Variants in FARP2 observed in about 807,000 individuals in gnomAD.
FARP2 encodes the protein FERM, ARHGEF and pleckstrin domain-containing protein 2.
In FARP2, 111 loss-of-function variants were observed where a neutral mutation model predicts 130.5. The observed-to-expected ratio is 0.85, with a 90% CI of 0.73 to 1.00. FARP2 has a LOEUF of 1.00. FARP2 is among the 50% of genes least tolerant of loss of function. FARP2 has a pLI of 0.00. For synonymous variants in FARP2, 504 were observed against 516.9 expected (o/e 0.98, Z 0.34); for missense variants, 1,385 against 1,346.3 (o/e 1.03, Z -0.45).
rs1201365228 is a variant in FARP2, at chr2:241,475,110, C to T, written c.2132-747C>T. 1.3e-5 allele frequency among the ~76,000 whole-genome samples: 2 copies of T among 152,204 alleles called. No homozygotes were observed. Among genetic ancestry groups the T allele is most frequent in the African/African-American group, 4.8e-5 (2 of 41,452 alleles). On this transcript the variant is annotated intron_variant, in intron 18 of 26. Coordinates refer to ENST00000264042, the MANE Select transcript of FARP2 (RefSeq NM_014808.4). The surrounding 1 kb of genome is among the most constrained non-coding windows in gnomAD (Gnocchi z 4.4). ...GAAAGTTACAATTGCTTTGAAGGTG[C>T]AAATCATTTAGCCTTTAAAGTACAA...
rs905527201 is a variant in FARP2, at chr2:241,494,739, C to T, written c.*614C>T. On this transcript the variant is annotated 3_prime_UTR_variant, in exon 27 of 27. Transcript: ENST00000264042. The surrounding 1 kb of genome is among the most constrained non-coding windows in gnomAD (Gnocchi z 4.9). ...CCCCTGTGCCCTGGGAGGGTGGGGC[C>T]GTCTAATTTATTACTGCCCAGCATT... 5 of 152,186 alleles carry T rather than the reference C, an allele frequency of 3.3e-5. No homozygotes were observed. In the East Asian group the frequency reaches 9.6e-4, roughly 29 times the overall value. The allele number at this position is 152,186 out of a possible 1,614,324, so 9.4% of individuals were successfully genotyped here.
intron 21 of FARP2, among the ~76,000 whole-genome samples, chr2:241,487,996 C>T (rs1449440695): frequency 6.6e-6 from 1 of 151,962 alleles, no homozygotes; most frequent in African/African-American, 2.4e-5. Context: ...GATCCACCCG[C>T]CTCGGCCTCC....
chr2:241,409,407 A>G (rs888453685), intron 5 of FARP2, among the ~76,000 whole-genome samples: 1 of 152,062 alleles, frequency 6.6e-6, no homozygotes, highest in Non-Finnish European at 1.5e-5. Context: ...AAAATTAGCC[A>G]GGCATGGTGG....
chr2:241,377,683 C>G (rs974265079), intron 2 of FARP2, among the ~76,000 whole-genome samples: 3 of 152,162 alleles, frequency 2.0e-5, no homozygotes, highest in Non-Finnish European at 4.4e-5. Context: ...ACTTATAATA[C>G]CTCATACAAT....
chr2:241,434,363 T>C (rs1408088129), intron 10 of FARP2, 42 bp downstream of exon 10: 4 of 1,453,760 alleles, frequency 2.8e-6, no homozygotes, highest in Admixed American at 2.5e-5. Context: ...CTCACTGGTT[T>C]GTAAAGCTGA....
chr2:241,479,611 A>T (rs1219004763), intron 19 of FARP2, among the ~76,000 whole-genome samples: 1 of 152,236 alleles, frequency 6.6e-6, no homozygotes, highest in East Asian at 1.9e-4. Flanking sequence ...TGTATTTTCC[A>T]GGCGAGAGAA....
chr2:241,406,311 A>AAAACC (rs2062344399), intron 4 of FARP2, among the ~76,000 whole-genome samples: 1 of 152,128 alleles, frequency 6.6e-6, no homozygotes, highest in Admixed American at 6.5e-5. Context: ...CTGTCTCAAA[A>AAAACC]AAACCAAAAC....
rs138243192 is a variant in FARP2, at chr2:241,411,221, C to G, written c.508+91C>G. On this transcript the variant is annotated intron_variant, in intron 6 of 26. Coordinates refer to ENST00000264042, the MANE Select transcript of FARP2 (RefSeq NM_014808.4). Reference sequence around the variant, plus strand: ...CTACAATTAGTTGCTGATGTATTTGCCTAGTTAGTGAGCCTGACCATAGAA... The same window carrying G: ...CTACAATTAGTTGCTGATGTATTTGGCTAGTTAGTGAGCCTGACCATAGAA... The G allele has an allele frequency of 7.0e-5, 60 of 862,782 alleles. No individual in the cohort carries two copies. The African/African-American group carries it at 7.5e-4, about 11-fold the overall frequency. The allele number at this position is 862,782 out of a possible 1,614,324, so 53.4% of individuals were successfully genotyped here.
At chr2:241,379,280 A>G (rs1266767812) in intron 2 of FARP2, among the ~76,000 whole-genome samples, 1 of 152,224 alleles carries the variant, frequency 6.6e-6, no homozygotes, top group African/African-American at 2.4e-5. Flanking sequence ...AGTTAGTATT[A>G]TGGAGAAGAG....
chr2:241,489,201 G>T (rs1334599684), intron 21 of FARP2: 1 of 152,240 alleles, frequency 6.6e-6, no homozygotes, highest in African/African-American at 2.4e-5. Context: ...CCATTCTGTG[G>T]AGTTGTTGGT....
At position 241,378,416 on chromosome 2, in the gene FARP2, A is replaced by AT. The variant is rs10692211; in HGVS notation, c.183+5139dup. 7.8e-4 allele frequency among the ~76,000 whole-genome samples: 84 copies of AT among 107,646 alleles called. 4 individuals are homozygous for AT. The highest frequency in any genetic ancestry group is 1.6e-3 in the East Asian group (6 of 3,814). 70.6% of individuals were successfully genotyped at this position (107,646 alleles called of 152,430 possible). ...AGGTGCCAGCCACCATGCCTGGCCTATTTTTTTTTTTTTGAGTCAGGATCT... is the reference window on the plus strand; with the variant it reads ...AGGTGCCAGCCACCATGCCTGGCCTATTTTTTTTTTTTTTGAGTCAGGATCT... On this transcript the variant is annotated intron_variant, in intron 2 of 26. Coordinates refer to ENST00000264042, the MANE Select transcript of FARP2 (RefSeq NM_014808.4).
intron 13 of FARP2, chr2:241,444,448 C>G (rs2063465273): frequency 6.6e-6 from 1 of 152,230 alleles, no homozygotes. Context: ...ACGGTCCTTG[C>G]TGATGCTGTG....
intron 8 of FARP2, among the ~76,000 whole-genome samples, chr2:241,427,798 C>T (rs1302915518): frequency 1.3e-5 from 2 of 151,886 alleles, no homozygotes; most frequent in Non-Finnish European, 2.9e-5. Flanking sequence ...TGGAGTCTCA[C>T]TCTGTCGCCC....
At chr2:241,383,276 G>T (rs2061704985) in intron 2 of FARP2, among the ~76,000 whole-genome samples, 1 of 152,234 alleles carries the variant, frequency 6.6e-6, no homozygotes, top group Non-Finnish European at 1.5e-5. Context: ...ACTGCGAAGT[G>T]CTTAGTGCCC....
rs1350815945 is a variant in FARP2, at chr2:241,494,195, G to C, written c.*70G>C. On this transcript the variant is annotated 3_prime_UTR_variant, in exon 27 of 27. Coordinates refer to ENST00000264042, the MANE Select transcript of FARP2 (RefSeq NM_014808.4). This position sits in a 1 kb window ranked among gnomAD's most constrained non-coding sequence, Gnocchi z 4.9. ...GACACAGAGGTGACCTCTGTCCTGA[G>C]GCTTCTCAACAGATGGGAAGTGGCT... is the stretch of plus-strand genomic sequence containing the variant. The C allele has an allele frequency of 2.1e-6, 2 of 967,296 alleles. No homozygotes were observed. Among genetic ancestry groups the C allele is most frequent in the East Asian group, 5.9e-5 (2 of 34,022 alleles). The allele number at this position is 967,296 out of a possible 1,614,324, so 59.9% of individuals were successfully genotyped here. A position where few individuals can be genotyped will look rare whatever the true frequency, so the allele number is the denominator to read the frequency against.
chr2:241,377,757 A>C (rs1450956646), intron 2 of FARP2, among the ~76,000 whole-genome samples: 1 of 151,990 alleles, frequency 6.6e-6, no homozygotes, highest in Non-Finnish European at 1.5e-5. Context: ...CTCTCATTGT[A>C]CTATTACTTT....
rs201790803 is a variant in FARP2 at position 241,413,331 on chromosome 2, C to A, written c.533C>A (p.Thr178Lys). The A allele has an allele frequency of 1.2e-6, 2 of 1,610,176 alleles. No individual in the cohort carries two copies. Among genetic ancestry groups the A allele is most frequent in the Non-Finnish European group, 1.7e-6 (2 of 1,178,408 alleles). ...GCGGAAATAGGAGATTACGATGAAACGCTGGACCGAGAGCACCTCAAAGTG... is the reference window on the plus strand; with the variant it reads ...GCGGAAATAGGAGATTACGATGAAAAGCTGGACCGAGAGCACCTCAAAGTG... ...LQSEIGDYDE[T>K]LDREHLKVNE... is the part of the protein sequence containing the mutation. The change falls in exon 7 of 27, where the codon ACG becomes AAG. Residue 178 changes from threonine (T) to lysine (K), a missense_variant. Physicochemically the swap from Thr to Lys is moderately conservative, Grantham distance 78 (BLOSUM62 -1). Transcript: ENST00000264042.
intron 2 of FARP2, 111 bp from the exon 3 acceptor site, chr2:241,403,716 TG>T: frequency 1.7e-6 from 1 of 590,572 alleles, no homozygotes. Context: ...AGTTATACAC[TG>T]GAAGACAAAG....
intron 17 of FARP2, 125 bp from the exon 18 acceptor site, chr2:241,468,015 G>C (rs769884900): frequency 1.3e-6 from 1 of 742,092 alleles, no homozygotes; most frequent in Admixed American, 1.9e-5. Context: ...GGCGCACGCT[G>C]GGCCACTGGT....
Sources: allele counts gnomAD v4.1 joint callset (sites outside exome capture counted in the v4.1 genomes callset), GRCh38; gene constraint gnomAD v4.1.1; non-coding constraint Gnocchi (gnomAD v3.1); transcripts MANE v1.5; gene names NCBI Gene and HGNC (gene_info 2026-07-23, HGNC 2026-07-21).